ZDHHC16: variants seen among roughly 807,000 people sequenced by gnomAD.
ZDHHC16 encodes the protein zDHHC palmitoyltransferase 16, also known as palmitoyltransferase ZDHHC16.
A neutral mutation model predicts 54.4 loss-of-function variants in ZDHHC16; 33 were observed. That is an observed-to-expected ratio of 0.61 (90% CI 0.46 to 0.81). The LOEUF (loss-of-function observed/expected upper bound fraction) is 0.81. Among genes scored for constraint, ZDHHC16 ranks in the 30% least tolerant of loss-of-function variants. The pLI is 0.00. For synonymous variants in ZDHHC16, 185 were observed against 182.1 expected (o/e 1.02, Z -0.13); for missense variants, 420 against 485.9 (o/e 0.86, Z 1.28).
rs919285882 is a variant in ZDHHC16 at position 97,451,916 on chromosome 10, G to A, written c.241G>A (p.Val81Met). 1 of 1,609,748 alleles carries A rather than the reference G, an allele frequency of 6.2e-7. No individual in the cohort carries two copies. The highest frequency in any genetic ancestry group is 1.7e-5 in the Admixed American group (1 of 59,836). ...AGACAACGTGATCCGCTGGTTTGGAGTGGTGAGTGATGTCCAGGGAGCAGG... is the reference window on the plus strand; with the variant it reads ...AGACAACGTGATCCGCTGGTTTGGAATGGTGAGTGATGTCCAGGGAGCAGG... The part of the protein sequence containing the change: ...LVDNVIRWFG[V>M]VFVVLVIVLT... Residue 81 changes from valine to methionine, a missense_variant and splice_region_variant, in exon 3 of 12, where the codon GTG becomes ATG. Coordinates refer to ENST00000393760, the MANE Select transcript of ZDHHC16 (RefSeq NM_198046.3).
rs1404015306 is a variant in ZDHHC16, at chr10:97,451,563, G to A, written c.-5-108G>A. ...CACAGTTGGTGACTGGCCTAGCTGGGTCTTAGTCTTAGGTCTTTGCCCTCC... is the reference window on the plus strand; with the variant it reads ...CACAGTTGGTGACTGGCCTAGCTGGATCTTAGTCTTAGGTCTTTGCCCTCC... On this transcript the variant is annotated intron_variant, in intron 2 of 11. Transcript: ENST00000393760. The A allele has an allele frequency of 1.1e-5, 16 of 1,466,402 alleles. No homozygotes were observed. The East Asian group carries it at 1.6e-4, about 15-fold the overall frequency. The allele number at this position is 1,466,402 out of a possible 1,614,324, so 90.8% of individuals were successfully genotyped here. A position where few individuals can be genotyped will look rare whatever the true frequency, so the allele number is the denominator to read the frequency against.
At chr10:97,453,955 C>A (rs1846910593) in intron 8 of ZDHHC16, 109 bp downstream of exon 8, 4 of 1,410,148 alleles carry the variant, frequency 2.8e-6, no homozygotes, top group African/African-American at 1.4e-5. Context: ...TGCCGAGAGG[C>A]CACTCTAGAC....
rs1440245433 is a variant in ZDHHC16 at position 97,452,514 on chromosome 10, G to A, written c.527+11G>A. On this transcript the variant is annotated intron_variant, in intron 5 of 11. Coordinates refer to ENST00000393760, the MANE Select transcript of ZDHHC16 (RefSeq NM_198046.3). ...CAGCATCTGCAACAGGTGGGTCTTG[G>A]CTTTGCTCTCTGGGAATCCCAGCTG... 28 of 1,612,392 alleles carry A rather than the reference G, an allele frequency of 1.7e-5. No homozygotes were observed. The highest frequency in any genetic ancestry group is 3.3e-5 in the Admixed American group (2 of 59,716).
In ZDHHC16 at chr10:97,453,836, T is replaced by C. The variant is rs1846893154; in HGVS notation, c.728T>C (p.Val243Ala). 1.9e-6 allele frequency: 3 copies of C among 1,614,176 alleles called. No homozygotes were observed. Among genetic ancestry groups the C allele is most frequent in the Non-Finnish European group, 1.7e-6 (2 of 1,180,040 alleles). The change falls in exon 8 of 12, where the codon GTT (valine) becomes GCT (alanine). Residue 243 changes from valine (V) to alanine (A), a missense_variant. Val to Ala is a moderately conservative substitution (Grantham distance 64). Coordinates refer to ENST00000393760, the MANE Select transcript of ZDHHC16 (RefSeq NM_198046.3). ...CTCGACAAGAACAAACTACAGGCGGTTGCCAACCAGGTGGGCTGTCCCCAC... is the reference window on the plus strand; with the variant it reads ...CTCGACAAGAACAAACTACAGGCGGCTGCCAACCAGGTGGGCTGTCCCCAC... ...KQLDKNKLQA[V>A]ANQTYHQTPP...
At chr10:97,454,009 A>C (rs1259213101) in intron 8 of ZDHHC16, among the ~76,000 whole-genome samples, 163 bp downstream of exon 8, 1 of 152,152 alleles carries the variant, frequency 6.6e-6, no homozygotes, top group Non-Finnish European at 1.5e-5. Flanking sequence ...TGGGTAGACT[A>C]AGTGGCCTAC....
chr10:97,453,886 C>T, intron 8 of ZDHHC16, 40 bp downstream of exon 8: 1 of 1,613,644 alleles, frequency 6.2e-7, no homozygotes, highest in Non-Finnish European at 8.5e-7. Context: ...CTGCTCAGGC[C>T]TGGGGGTATA....
intron 1 of ZDHHC16, among the ~76,000 whole-genome samples, chr10:97,447,657 C>T (rs895704102): frequency 3.3e-5 from 5 of 152,204 alleles, no homozygotes; most frequent in Non-Finnish European, 7.3e-5. Flanking sequence ...TGCGGTGGCT[C>T]ACGCCTGCAA....
In ZDHHC16 at chr10:97,449,861, C is replaced by CTTTTTTTTTTTTTTT. The variant is rs35173837; in HGVS notation, c.-185-489_-185-475dup. Among the ~76,000 whole-genome samples the CTTTTTTTTTTTTTTT allele has an allele frequency of 4.7e-3, 380 of 81,522 alleles. 10 individuals carry two copies. Among genetic ancestry groups the CTTTTTTTTTTTTTTT allele is most frequent in the Non-Finnish European group, 6.9e-3 (328 of 47,710 alleles). The allele number at this position is 81,522 out of a possible 152,430, so 53.5% of individuals were successfully genotyped here. A position where few individuals can be genotyped will look rare whatever the true frequency, so the allele number is the denominator to read the frequency against. On this transcript the variant is annotated intron_variant, in intron 1 of 11. Coordinates refer to ENST00000393760, the MANE Select transcript of ZDHHC16 (RefSeq NM_198046.3). ...TCTCTTTTCTACACTCCCCTTAATT[C>CTTTTTTTTTTTTTTT]TTTTTTTTTTTTTTTTTTTTTGAGA...
intron 1 of ZDHHC16, among the ~76,000 whole-genome samples, chr10:97,446,672 A>G (rs1464904888): frequency 3.3e-5 from 5 of 152,236 alleles, no homozygotes. Context: ...CTTCCAGTCC[A>G]TCGCAGTTTC....
In ZDHHC16 at chr10:97,451,758, G is replaced by A. The variant is rs1589502008; in HGVS notation, c.83G>A (p.Cys28Tyr). The A allele has an allele frequency of 6.2e-7, 1 of 1,614,028 alleles. No individual in the cohort carries two copies. Among genetic ancestry groups the A allele is most frequent in the East Asian group, 2.2e-5 (1 of 44,876 alleles). Residue 28 changes from cysteine (C) to tyrosine (Y), a missense_variant, in exon 3 of 12, where the codon TGT (cysteine) becomes TAT (tyrosine). Cys to Tyr is a radical substitution (Grantham distance 194, BLOSUM62 -2). Coordinates refer to ENST00000393760, the MANE Select transcript of ZDHHC16 (RefSeq NM_198046.3). ...LLLLLGYRRR[C>Y]PPLLRGLVQR... ...CTGCTGCTGGGTTACAGGCGCCGCTGTCCACCTCTACTCCGGGGTCTAGTA... is the reference window on the plus strand; with the variant it reads ...CTGCTGCTGGGTTACAGGCGCCGCTATCCACCTCTACTCCGGGGTCTAGTA...
chr10:97,455,875 G>A, intron 10 of ZDHHC16, 92 bp downstream of exon 10: 2 of 1,602,818 alleles, frequency 1.2e-6, no homozygotes, highest in Non-Finnish European at 1.7e-6. Flanking sequence ...ACTAGGGCAA[G>A]CATTGTAAAA....
chr10:97,446,665 C>T (rs555688855), intron 1 of ZDHHC16, among the ~76,000 whole-genome samples: 1 of 152,234 alleles, frequency 6.6e-6, no homozygotes, highest in African/African-American at 2.4e-5. Flanking sequence ...TTTTTGACTT[C>T]CAGTCCATCG....
intron 9 of ZDHHC16, 102 bp downstream of exon 9, chr10:97,454,901 G>A: frequency 3.1e-6 from 3 of 974,336 alleles, no homozygotes; most frequent in Middle Eastern, 2.1e-4. Flanking sequence ...AACTGCCACT[G>A]CTCTAGTCTA....
chr10:97,451,801 C>G lies in ZDHHC16; in HGVS notation c.126C>G (p.Gly42=). The change falls in exon 3 of 12, where the codon GGC becomes GGG. Residue 42 remains glycine, a synonymous_variant. Transcript: ENST00000393760. ...LRGLVQRWRY[G]KVCLRSLLYN... ...GTCTAGTACAGCGCTGGCGCTACGG[C>G]AAGGTCTGCCTGCGCTCCCTGCTCT... is the stretch of plus-strand genomic sequence containing the variant. 1 of 1,614,210 alleles carries G rather than the reference C, an allele frequency of 6.2e-7. No homozygotes were observed. Among genetic ancestry groups the G allele is most frequent in the Non-Finnish European group, 8.5e-7 (1 of 1,180,042 alleles).
intron 2 of ZDHHC16, among the ~76,000 whole-genome samples, 193 bp from the exon 3 acceptor site, chr10:97,451,478 T>C (rs1423575686): frequency 2.0e-5 from 3 of 152,234 alleles, no homozygotes; most frequent in Non-Finnish European, 4.4e-5. Flanking sequence ...ACTCCCTTAA[T>C]CTGGTTGGAA....
At chr10:97,452,049 G>C in intron 3 of ZDHHC16, 41 bp from the exon 4 acceptor site, 3 of 1,612,896 alleles carry the variant, frequency 1.9e-6, no homozygotes, top group East Asian at 2.2e-5. Context: ...TTTGGGCATA[G>C]CTCTTGCGCC....
At chr10:97,455,570 A>G in intron 9 of ZDHHC16, 90 bp from the exon 10 acceptor site, 1 of 1,603,844 alleles carries the variant, frequency 6.2e-7, no homozygotes, top group Non-Finnish European at 8.5e-7. Flanking sequence ...GAGAGGTTCC[A>G]AACCAGTTGT....
chr10:97,454,239 A>G (rs953585559), intron 8 of ZDHHC16, among the ~76,000 whole-genome samples: 2 of 152,120 alleles, frequency 1.3e-5, no homozygotes, highest in Admixed American at 1.3e-4. Flanking sequence ...CTGCCCCCCC[A>G]GTACCTTTTA....
intron 9 of ZDHHC16, 68 bp downstream of exon 9, chr10:97,454,867 C>A: frequency 7.4e-7 from 1 of 1,358,912 alleles, no homozygotes; most frequent in Non-Finnish European, 1.0e-6. Flanking sequence ...TGCCCACACG[C>A]AGGCAGAAAC....
Sources: allele counts gnomAD v4.1 joint callset (sites outside exome capture counted in the v4.1 genomes callset), GRCh38; gene constraint gnomAD v4.1.1; transcripts MANE v1.5; gene names NCBI Gene and HGNC (gene_info 2026-07-23, HGNC 2026-07-21).